Variants in TTC28 observed in about 807,000 individuals in gnomAD.
TTC28 encodes the protein tetratricopeptide repeat domain 28.
TTC28 carries 61 observed loss-of-function variants against 198.0 expected under a neutral mutation model. That is an observed-to-expected ratio of 0.31 (90% confidence interval 0.25 to 0.38). The LOEUF (loss-of-function observed/expected upper bound fraction) is 0.38. Ranked by LOEUF, TTC28 falls within the 10% of genes least tolerant of loss-of-function variation. The pLI, the probability that TTC28 is intolerant of heterozygous loss-of-function variation, is 1.00. For missense variants in TTC28, 2,678 were observed against 3,164.0 expected, an observed-to-expected ratio of 0.85 and a Z score of 3.69; for synonymous variants, 1,171 against 1,297.8, an observed-to-expected ratio of 0.90 and a Z score of 2.10.
At chr22:28,036,740 T>C (rs1939370795) in intron 12 of TTC28, among the ~76,000 whole-genome samples, 3 of 152,142 alleles carry the variant, frequency 2.0e-5, no homozygotes, top group Non-Finnish European at 4.4e-5. Flanking sequence ...GCTGGTTTTT[T>C]GGAAGGATCA....
At chr22:28,101,715 G>A (rs1942157563) in intron 8 of TTC28, among the ~76,000 whole-genome samples, 1 of 144,602 alleles carries the variant, frequency 6.9e-6, no homozygotes, top group African/African-American at 2.6e-5. Context: ...GGAGGCTGAG[G>A]CAGGAGGACT....
intron 2 of TTC28, among the ~76,000 whole-genome samples, chr22:28,536,627 A>AAAAAAT (rs1370248663): frequency 6.6e-6 from 1 of 152,244 alleles, no homozygotes; most frequent in Non-Finnish European, 1.5e-5. Context: ...CCGTCTCAAA[A>AAAAAAT]AAAAATAAAA....
intron 2 of TTC28, among the ~76,000 whole-genome samples, chr22:28,358,064 G>T (rs899603680): frequency 6.6e-6 from 1 of 152,124 alleles, no homozygotes; most frequent in Non-Finnish European, 1.5e-5. Context: ...TAATGAAATT[G>T]TTGCTAAACT....
rs527817843 is a variant in TTC28 at position 28,128,446 on chromosome 22, C to T, written c.1442-20043G>A. Among the ~76,000 whole-genome samples the T allele has an allele frequency of 1.2e-4, 18 of 152,292 alleles. 1 individual carries two copies. Among genetic ancestry groups the T allele is most frequent in the South Asian group, 6.2e-4 (3 of 4,828 alleles). On this transcript the variant is annotated intron_variant, in intron 6 of 22. Transcript: ENST00000397906. Reference sequence around the variant, plus strand: ...CCTCAGTTTGCTCACCTAAGAAACACGGTAAGGTAAGGATTAAATGAATAA... The same window carrying T: ...CCTCAGTTTGCTCACCTAAGAAACATGGTAAGGTAAGGATTAAATGAATAA...
chr22:28,276,972 C>T (rs2044485098), intron 5 of TTC28, among the ~76,000 whole-genome samples: 2 of 151,992 alleles, frequency 1.3e-5, no homozygotes, highest in Non-Finnish European at 2.9e-5. Flanking sequence ...CTAGGCAAGC[C>T]TCCTAAAAAA....
chr22:28,545,174 C>G (rs1446598597), intron 2 of TTC28, among the ~76,000 whole-genome samples: 1 of 152,148 alleles, frequency 6.6e-6, no homozygotes, highest in African/African-American at 2.4e-5. Context: ...AGGTCAGGAA[C>G]AAGGCAAGTA....
chr22:28,245,660 C>G (rs1349576719), intron 5 of TTC28, among the ~76,000 whole-genome samples: 3 of 152,136 alleles, frequency 2.0e-5, no homozygotes, highest in Non-Finnish European at 4.4e-5. Flanking sequence ...ATGCAATTCA[C>G]AAATAAATGT....
chr22:28,219,517 G>GA (rs971196384), intron 5 of TTC28, among the ~76,000 whole-genome samples: 1,567 of 142,750 alleles, frequency 0.011, 25 homozygotes, highest in African/African-American at 0.036. Flanking sequence ...AAAAAAAAAA[G>GA]AAAAAAAAAA....
intron 12 of TTC28, among the ~76,000 whole-genome samples, chr22:28,037,166 A>C (rs982858305): frequency 6.6e-6 from 1 of 152,226 alleles, no homozygotes; most frequent in Non-Finnish European, 1.5e-5. Context: ...AACTCATTTT[A>C]TGAGGCCAGC....
chr22:28,001,274 A>G, intron 15 of TTC28, 100 bp downstream of exon 15: 3 of 1,390,710 alleles, frequency 2.2e-6, no homozygotes, highest in Middle Eastern at 2.6e-4. Context: ...TGAGGAGATC[A>G]CAGCTATGCC....
chr22:28,288,266 T>G (rs1205169546), intron 5 of TTC28, among the ~76,000 whole-genome samples: 1 of 152,180 alleles, frequency 6.6e-6, no homozygotes. Flanking sequence ...CCATATACCT[T>G]TTTCTTTTTA....
chr22:28,425,150 T>C (rs941011107), intron 2 of TTC28, among the ~76,000 whole-genome samples: 15 of 152,226 alleles, frequency 9.9e-5, no homozygotes. Context: ...AATAGTTCAG[T>C]GGCTTGCAAA....
intron 6 of TTC28, among the ~76,000 whole-genome samples, chr22:28,118,388 G>A (rs1942695274): frequency 6.6e-6 from 1 of 150,816 alleles, no homozygotes; most frequent in Admixed American, 6.6e-5. Context: ...GACAGAGCAA[G>A]ACTGCATCTC....
intron 5 of TTC28, among the ~76,000 whole-genome samples, chr22:28,175,807 G>T (rs1326477785): frequency 6.6e-6 from 1 of 151,990 alleles, no homozygotes. Context: ...TGGCCAACCG[G>T]TATAAGAAAA....
chr22:28,336,874 T>G (rs1478383127), intron 2 of TTC28, among the ~76,000 whole-genome samples: 1 of 152,190 alleles, frequency 6.6e-6, no homozygotes, highest in African/African-American at 2.4e-5. Context: ...TTTCTTGCCT[T>G]CTGCTAGCTT....
chr22:28,600,562 C>T (rs2146117691), intron 2 of TTC28, among the ~76,000 whole-genome samples: 1 of 152,190 alleles, frequency 6.6e-6, no homozygotes, highest in African/African-American at 2.4e-5. Flanking sequence ...TACAAAGATG[C>T]TGTAAGACTC....
At chr22:28,231,780 C>T (rs1343742546) in intron 5 of TTC28, among the ~76,000 whole-genome samples, 1 of 152,198 alleles carries the variant, frequency 6.6e-6, no homozygotes, top group Non-Finnish European at 1.5e-5. Flanking sequence ...GGTCATTTGT[C>T]CATCTAAACA....
chr22:28,155,887 T>C (rs1229438544), intron 6 of TTC28, among the ~76,000 whole-genome samples: 7 of 152,106 alleles, frequency 4.6e-5, no homozygotes, highest in Non-Finnish European at 8.8e-5. Context: ...CTAGTACTGA[T>C]GTGTGGGATG....
intron 14 of TTC28, among the ~76,000 whole-genome samples, chr22:28,013,221 A>G (rs1255070778): frequency 6.6e-6 from 1 of 152,236 alleles, no homozygotes; most frequent in Admixed American, 6.5e-5. Flanking sequence ...CCACTCCAAC[A>G]GCTGTGAGAC....
Sources: gnomAD v4.1 joint callset for allele counts (sites outside exome capture counted in the v4.1 genomes callset) on GRCh38, gnomAD v4.1.1 for gene constraint, MANE v1.5 for transcripts, NCBI Gene and HGNC (gene_info 2026-07-23, HGNC 2026-07-21) for gene names.